RORA: variants seen among roughly 807,000 people sequenced by gnomAD.
RORA encodes the protein RAR related orphan receptor A.
Under a neutral mutation model 69.5 loss-of-function variants are expected in RORA, and 7 were observed. The ratio of observed to expected loss-of-function variants is 0.10; its 90% CI spans 0.06 to 0.19. The LOEUF is 0.19. Ranked by LOEUF, RORA falls within the 10% of genes least tolerant of loss-of-function variation. RORA has a pLI of 1.00. For missense variants in RORA, 457 were observed against 663.0 expected, an observed-to-expected ratio of 0.69 and a Z score of 3.41; for synonymous variants, 261 against 240.8, an observed-to-expected ratio of 1.08 and a Z score of -0.78.
Position 61,061,725 on chromosome 15 carries a change from T to TA in RORA, c.166+167327dup, listed in dbSNP as rs1394676037. Among the ~76,000 whole-genome samples, 7 of 152,142 alleles carry TA rather than the reference T, an allele frequency of 4.6e-5. No homozygotes were observed. The highest frequency in any genetic ancestry group is 1.7e-4 in the African/African-American group (7 of 41,432). ...ATATGGGTCTCTAGAGACAGGGTGTTAAGCATCACTGCATCACCACTTTGC... is the reference window on the plus strand; with the variant it reads ...ATATGGGTCTCTAGAGACAGGGTGTTAAAGCATCACTGCATCACCACTTTGC... On this transcript the variant is annotated intron_variant, in intron 1 of 10. Coordinates refer to ENST00000335670, the MANE Select transcript of RORA (RefSeq NM_134261.3). The surrounding 1 kb of genome is among the most constrained non-coding windows in gnomAD (Gnocchi z 4.4).
At chr15:60,826,487 AGCCCAGGCCATT>A (rs1311332383) in intron 1 of RORA, among the ~76,000 whole-genome samples, 1 of 152,054 alleles carries the variant, frequency 6.6e-6, no homozygotes, top group East Asian at 1.9e-4. Flanking sequence ...GGACTGAGGC[AGCCCAGGCCATT>A]GCAATGCTGA....
At chr15:60,669,045 T>G (rs2140731571) in intron 2 of RORA, among the ~76,000 whole-genome samples, 1 of 152,254 alleles carries the variant, frequency 6.6e-6, no homozygotes, top group East Asian at 1.9e-4. Flanking sequence ...GTAGCTGAGT[T>G]TAAAAGGGTT....
At chr15:61,225,891 T>C (rs2080141492) in intron 1 of RORA, among the ~76,000 whole-genome samples, 1 of 152,234 alleles carries the variant, frequency 6.6e-6, no homozygotes, top group Non-Finnish European at 1.5e-5. Context: ...CTTTTTTCTC[T>C]TTCATTGTGT....
intron 1 of RORA, among the ~76,000 whole-genome samples, chr15:61,133,717 C>T (rs1056487842): frequency 2.0e-5 from 3 of 152,202 alleles, no homozygotes; most frequent in African/African-American, 7.2e-5. Context: ...TGAGATAAAC[C>T]AGTCCTTTCT....
intron 1 of RORA, among the ~76,000 whole-genome samples, chr15:61,081,484 T>C (rs2078539288): frequency 6.6e-6 from 1 of 152,170 alleles, no homozygotes; most frequent in Admixed American, 6.5e-5. Flanking sequence ...ATATTATTCC[T>C]TTTCTCTACT....
chr15:60,624,284 C>T (rs2069501853), intron 2 of RORA, among the ~76,000 whole-genome samples: 1 of 151,086 alleles, frequency 6.6e-6, no homozygotes, highest in African/African-American at 2.4e-5. Flanking sequence ...TCCTGGACCA[C>T]TGGAAGCAAT....
intron 1 of RORA, among the ~76,000 whole-genome samples, chr15:60,866,207 C>T (rs563916320): frequency 1.0e-3 from 152 of 152,284 alleles, no homozygotes; most frequent in Non-Finnish European, 1.7e-3. Flanking sequence ...TCCACCTCCC[C>T]ACTATTCTTC....
intron 1 of RORA, among the ~76,000 whole-genome samples, chr15:60,950,288 G>T (rs1449684117): frequency 1.4e-5 from 2 of 144,934 alleles, no homozygotes; most frequent in African/African-American, 2.6e-5. Context: ...CCTGAAGGAA[G>T]CGCTAAACAT....
intron 1 of RORA, among the ~76,000 whole-genome samples, chr15:61,003,893 C>A (rs892065103): frequency 6.6e-6 from 1 of 151,874 alleles, no homozygotes; most frequent in African/African-American, 2.4e-5. Context: ...ACAGGGAGAA[C>A]GAGTAGGGAA....
chr15:60,952,518 A>T (rs1215433718), intron 1 of RORA, among the ~76,000 whole-genome samples: 3 of 151,824 alleles, frequency 2.0e-5, no homozygotes, highest in Non-Finnish European at 4.4e-5. Context: ...TTTGCAGATG[A>T]CATGATTGTA....
At chr15:60,498,930 AATAAAATAC>A (rs1241518219) in intron 10 of RORA, among the ~76,000 whole-genome samples, 18 of 152,100 alleles carry the variant, frequency 1.2e-4, no homozygotes, top group Admixed American at 1.2e-3. Flanking sequence ...CATCTCACAC[AATAAAATAC>A]ATAAAATAAG....
intron 1 of RORA, among the ~76,000 whole-genome samples, chr15:60,907,464 G>A (rs74017853): frequency 0.033 from 4,991 of 152,236 alleles, 269 homozygotes; most frequent in African/African-American, 0.11. Context: ...TCTGGGCTCC[G>A]TGCTCTTGAT....
chr15:61,147,157 T>G lies in RORA; in HGVS notation c.166+81896A>C, dbSNP rs753433049. ...GCATTCTGGCCATTTTCGGGCTTATTTTATTCCCCAGAACCTTTGCATGCG... is the reference window on the plus strand; with the variant it reads ...GCATTCTGGCCATTTTCGGGCTTATGTTATTCCCCAGAACCTTTGCATGCG... On this transcript the variant is annotated intron_variant, in intron 1 of 10. Coordinates refer to ENST00000335670, the MANE Select transcript of RORA (RefSeq NM_134261.3). This position sits in a 1 kb window ranked among gnomAD's most constrained non-coding sequence, Gnocchi z 4.1. Among the ~76,000 whole-genome samples, 9 of 152,338 alleles carry G rather than the reference T, an allele frequency of 5.9e-5. No homozygotes were observed. The highest frequency in any genetic ancestry group is 3.4e-3 in the Middle Eastern group (1 of 294).
At chr15:60,666,942 T>A (rs2070390859) in intron 2 of RORA, among the ~76,000 whole-genome samples, 1 of 152,182 alleles carries the variant, frequency 6.6e-6, no homozygotes, top group Admixed American at 6.5e-5. Context: ...TCTAAGGAGG[T>A]AGAATCAGAA....
At chr15:61,199,879 G>A (rs546609924) in intron 1 of RORA, among the ~76,000 whole-genome samples, 15 of 152,300 alleles carry the variant, frequency 9.8e-5, no homozygotes, top group African/African-American at 3.6e-4. Flanking sequence ...AACACAGAAC[G>A]AGCTGTGCCG....
At chr15:60,921,690 AAAC>A (rs1197611784) in intron 1 of RORA, among the ~76,000 whole-genome samples, 1 of 152,206 alleles carries the variant, frequency 6.6e-6, no homozygotes, top group African/African-American at 2.4e-5. Flanking sequence ...ATTAAAGAAA[AAAC>A]AGGGTTCAAT....
chr15:61,136,899 T>G (rs1234550854), intron 1 of RORA, among the ~76,000 whole-genome samples: 4 of 152,000 alleles, frequency 2.6e-5, no homozygotes, highest in Non-Finnish European at 5.9e-5. Flanking sequence ...GGCCTCAGCT[T>G]TACATAAGAT....
chr15:60,573,022 T>A (rs2067925215), intron 2 of RORA, among the ~76,000 whole-genome samples: 1 of 152,110 alleles, frequency 6.6e-6, no homozygotes, highest in Non-Finnish European at 1.5e-5. Flanking sequence ...AGTACATGAG[T>A]GTGGGCTGAG....
At chr15:60,786,510 G>T (rs143091760) in intron 1 of RORA, among the ~76,000 whole-genome samples, 54 of 152,342 alleles carry the variant, frequency 3.5e-4, no homozygotes, top group African/African-American at 1.2e-3. Context: ...GCACAGTCCA[G>T]GCAGGTGGGA....
Sources: gnomAD v4.1 joint callset for allele counts (sites outside exome capture counted in the v4.1 genomes callset) on GRCh38, gnomAD v4.1.1 for gene constraint, Gnocchi (gnomAD v3.1) non-coding constraint, MANE v1.5 for transcripts, NCBI Gene and HGNC (gene_info 2026-07-23, HGNC 2026-07-21) for gene names.